Variants in ROBO2 observed in about 807,000 individuals in gnomAD.
ROBO2 encodes roundabout guidance receptor 2.
ROBO2 carries 53 observed loss-of-function variants against 160.8 expected under a neutral mutation model. That is an observed-to-expected ratio of 0.33 (90% CI 0.26 to 0.41). The LOEUF (loss-of-function observed/expected upper bound fraction) is 0.41, where lower values mean the gene tolerates loss of function less well. ROBO2 is among the 10% of genes least tolerant of loss of function. The pLI, the probability that ROBO2 is intolerant of heterozygous loss-of-function variation, is 1.00. For missense variants in ROBO2, 1,577 were observed against 1,722.4 expected (o/e 0.92, Z 1.49); for synonymous variants, 664 against 611.7 (o/e 1.09, Z -1.26).
At chr3:77,381,414 A>T (rs2073449268) in intron 2 of ROBO2, among the ~76,000 whole-genome samples, 2 of 152,200 alleles carry the variant, frequency 1.3e-5, no homozygotes, top group Non-Finnish European at 2.9e-5. Context: ...ATTAGTCCAC[A>T]AAGCCATGAT....
chr3:76,549,155 T>C (rs1007029785), intron 2 of ROBO2, among the ~76,000 whole-genome samples: 1 of 152,132 alleles, frequency 6.6e-6, no homozygotes, highest in Non-Finnish European at 1.5e-5. Context: ...ATTAGAACAT[T>C]CATAATGCCA....
chr3:76,979,523 A>G (rs1170248976), intron 2 of ROBO2, among the ~76,000 whole-genome samples: 3 of 151,834 alleles, frequency 2.0e-5, no homozygotes, highest in Non-Finnish European at 4.4e-5. Flanking sequence ...AGTTCCATTC[A>G]TGTTGCTTCA....
At chr3:77,067,645 T>C (rs533326177) in intron 1 of ROBO2, among the ~76,000 whole-genome samples, 4 of 152,172 alleles carry the variant, frequency 2.6e-5, no homozygotes, top group African/African-American at 9.6e-5. Flanking sequence ...CTGAATTGAG[T>C]GTTTGTTTTT....
In ROBO2 at chr3:77,246,760, T is replaced by C. The variant is rs1471401613; in HGVS notation, c.388+148420T>C. On this transcript the variant is annotated intron_variant, in intron 2 of 25. Transcript: ENST00000461745. ...GCTATCAAGCAAGCAATGTAACACT[T>C]TTTTTGTGGACAATGATTTTAATTA... is the stretch of plus-strand genomic sequence containing the variant. Among the ~76,000 whole-genome samples, 5 of 152,312 alleles carry C rather than the reference T, an allele frequency of 3.3e-5. No homozygotes were observed. The East Asian group carries it at 9.7e-4, about 29-fold the overall frequency.
chr3:77,290,997 T>C (rs1251183472), intron 2 of ROBO2, among the ~76,000 whole-genome samples: 2 of 146,592 alleles, frequency 1.4e-5, no homozygotes, highest in Admixed American at 1.4e-4. Flanking sequence ...GTTAAACGGG[T>C]AAGCTGAGGC....
intron 2 of ROBO2, among the ~76,000 whole-genome samples, chr3:76,138,886 T>G (rs1013306826): frequency 5.3e-5 from 8 of 152,256 alleles, no homozygotes; most frequent in African/African-American, 1.9e-4. Flanking sequence ...CAAAGTTCAG[T>G]AAAGAGTTAC....
intron 2 of ROBO2, among the ~76,000 whole-genome samples, chr3:75,986,524 T>A (rs1426781470): frequency 6.6e-6 from 1 of 151,738 alleles, no homozygotes; most frequent in Non-Finnish European, 1.5e-5. Flanking sequence ...TAGTATTTTT[T>A]GGCAGTTTTT....
At chr3:77,126,782 CTTTTTTTTTTT>C (rs11365042) in intron 2 of ROBO2, among the ~76,000 whole-genome samples, 18 of 62,638 alleles carry the variant, frequency 2.9e-4, no homozygotes, top group Admixed American at 2.9e-3. Flanking sequence ...TTTGAAACTT[CTTTTTTTTTTT>C]TTTTTTTTTT....
At chr3:77,320,507 G>T (rs1314479521) in intron 2 of ROBO2, among the ~76,000 whole-genome samples, 1 of 151,820 alleles carries the variant, frequency 6.6e-6, no homozygotes. Flanking sequence ...CTAGAGGGAC[G>T]CAAATTGCAG....
At chr3:76,688,992 T>C (rs1336491739) in intron 2 of ROBO2, among the ~76,000 whole-genome samples, 1 of 152,072 alleles carries the variant, frequency 6.6e-6, no homozygotes, top group Non-Finnish European at 1.5e-5. Flanking sequence ...GTTGATAGGA[T>C]ATTGCAATGA....
chr3:76,475,197 G>A (rs559530389), intron 2 of ROBO2, among the ~76,000 whole-genome samples: 1 of 152,174 alleles, frequency 6.6e-6, no homozygotes. Context: ...TTTGACCACG[G>A]GAAAAAATAA....
chr3:77,317,097 A>C, intron 2 of ROBO2: 6 of 1,346,190 alleles, frequency 4.5e-6, no homozygotes, highest in Non-Finnish European at 6.4e-6. Context: ...AGCCAACTGC[A>C]AAGTTGCTCT....
intron 2 of ROBO2, among the ~76,000 whole-genome samples, chr3:76,317,274 C>T (rs2107836727): frequency 6.6e-6 from 1 of 152,334 alleles, no homozygotes; most frequent in East Asian, 1.9e-4. Context: ...GTTAATTACA[C>T]ATTTCTTACT....
At chr3:77,206,418 G>T (rs192196759) in intron 2 of ROBO2, among the ~76,000 whole-genome samples, 157 of 152,074 alleles carry the variant, frequency 1.0e-3, no homozygotes, top group African/African-American at 3.6e-3. Flanking sequence ...TCCGCCTGCT[G>T]TGGCCTCCTA....
intron 2 of ROBO2, among the ~76,000 whole-genome samples, chr3:76,750,107 G>A (rs1560494921): frequency 1.3e-5 from 2 of 152,108 alleles, no homozygotes; most frequent in Admixed American, 6.6e-5. Context: ...CCATGATCAA[G>A]TGGGCTTCAT....
rs2079088766 is a variant in ROBO2, at chr3:77,166,498, C to CTTAGT, written c.388+68161_388+68165dup. On this transcript the variant is annotated intron_variant, in intron 2 of 25. Coordinates refer to ENST00000461745, the Ensembl canonical transcript of ROBO2. ...TTTTTCCTTTTCTCTTGTTCTATCT[C>CTTAGT]TTAGTTTGAAAACTTTTTCCAGCCT... 2.6e-5 allele frequency among the ~76,000 whole-genome samples: 4 copies of CTTAGT among 152,112 alleles called. No homozygotes were observed. In the South Asian group the frequency reaches 8.3e-4, roughly 32 times the overall value.
At chr3:76,123,853 G>GT (rs2070854562) in intron 2 of ROBO2, among the ~76,000 whole-genome samples, 1 of 152,084 alleles carries the variant, frequency 6.6e-6, no homozygotes, top group Non-Finnish European at 1.5e-5. Flanking sequence ...TGGAGGTGAT[G>GT]TATGTTTCCC....
intron 2 of ROBO2, among the ~76,000 whole-genome samples, chr3:76,719,374 A>G (rs1210996029): frequency 6.6e-6 from 1 of 152,136 alleles, no homozygotes; most frequent in Admixed American, 6.5e-5. Context: ...TGTCACTCTC[A>G]TCCAGGCTGG....
intron 2 of ROBO2, among the ~76,000 whole-genome samples, chr3:76,417,313 G>C (rs2075795476): frequency 6.6e-6 from 1 of 152,204 alleles, no homozygotes; most frequent in African/African-American, 2.4e-5. Context: ...GCCAGGCACA[G>C]AACAAGATTC....
Sources: gnomAD v4.1 joint callset for allele counts (sites outside exome capture counted in the v4.1 genomes callset) on GRCh38, gnomAD v4.1.1 for gene constraint, MANE v1.5 for transcripts, NCBI Gene and HGNC (gene_info 2026-07-23, HGNC 2026-07-21) for gene names.